NTRK3: variants seen among roughly 807,000 people sequenced by gnomAD.
NTRK3 encodes the protein neurotrophic receptor tyrosine kinase 3.
A neutral mutation model predicts 91.7 loss-of-function variants in NTRK3; 24 were observed. That is an observed-to-expected ratio of 0.26 (90% CI 0.19 to 0.37). NTRK3 has a LOEUF of 0.37. NTRK3 is among the 10% of genes least tolerant of loss of function. NTRK3 has a pLI of 1.00. For synonymous variants in NTRK3, 483 were observed against 404.0 expected, an observed-to-expected ratio of 1.20 and a Z score of -2.34; for missense variants, 880 against 1,068.9, an observed-to-expected ratio of 0.82 and a Z score of 2.46.
At chr15:88,187,467 G>C (rs2047034688) in intron 3 of NTRK3, among the ~76,000 whole-genome samples, 1 of 152,120 alleles carries the variant, frequency 6.6e-6, no homozygotes, top group Non-Finnish European at 1.5e-5. Context: ...TGTGCTACTA[G>C]GGAGACCACC....
chr15:88,201,097 G>C (rs1433395104), intron 3 of NTRK3, among the ~76,000 whole-genome samples: 3 of 152,106 alleles, frequency 2.0e-5, no homozygotes, highest in Non-Finnish European at 4.4e-5. Flanking sequence ...TTAACAACAG[G>C]AGTGCTTCCC....
At chr15:88,142,919 C>G (rs1323847176) in intron 6 of NTRK3, among the ~76,000 whole-genome samples, 1 of 152,002 alleles carries the variant, frequency 6.6e-6, no homozygotes, top group Non-Finnish European at 1.5e-5. Context: ...TAACTGGTAC[C>G]CTTAAAAAAG....
At chr15:88,044,676 C>A (rs528220315) in intron 13 of NTRK3, among the ~76,000 whole-genome samples, 1 of 150,290 alleles carries the variant, frequency 6.7e-6, no homozygotes, top group East Asian at 2.0e-4. Flanking sequence ...ATCAAAGATG[C>A]TGAAATGAGG....
intron 14 of NTRK3, among the ~76,000 whole-genome samples, chr15:88,015,508 C>T (rs2077172798): frequency 1.3e-5 from 2 of 152,126 alleles, no homozygotes; most frequent in African/African-American, 4.8e-5. Flanking sequence ...CAAACACTCT[C>T]CCCTCTGTGG....
chr15:87,888,105 C>T (rs1168983336), intron 17 of NTRK3, among the ~76,000 whole-genome samples: 1 of 152,186 alleles, frequency 6.6e-6, no homozygotes, highest in African/African-American at 2.4e-5. Context: ...CCACGGCTAC[C>T]TTGGTACCTT....
At chr15:88,076,672 TAAAA>T (rs34053167) in intron 13 of NTRK3, among the ~76,000 whole-genome samples, 17 of 120,374 alleles carry the variant, frequency 1.4e-4, no homozygotes, top group East Asian at 5.0e-4. Flanking sequence ...TATACATATG[TAAAA>T]AAAAAAAAAA....
chr15:87,982,063 G>A (rs965933305), intron 14 of NTRK3, among the ~76,000 whole-genome samples: 6 of 152,138 alleles, frequency 3.9e-5, no homozygotes, highest in Non-Finnish European at 8.8e-5. Context: ...GATCCGTGTC[G>A]GATCCATTAA....
At chr15:88,105,178 T>A (rs1364661622) in intron 13 of NTRK3, among the ~76,000 whole-genome samples, 2 of 152,198 alleles carry the variant, frequency 1.3e-5, no homozygotes, top group Non-Finnish European at 2.9e-5. Flanking sequence ...GCCATGGACC[T>A]GATTGTCAAC....
intron 14 of NTRK3, among the ~76,000 whole-genome samples, chr15:87,999,507 A>C (rs2075948651): frequency 6.6e-6 from 1 of 152,226 alleles, no homozygotes; most frequent in Admixed American, 6.5e-5. Context: ...TTTTGCAATG[A>C]AATGGGATGT....
intron 14 of NTRK3, among the ~76,000 whole-genome samples, chr15:87,987,292 C>G (rs2074896400): frequency 6.6e-6 from 1 of 152,130 alleles, no homozygotes; most frequent in Non-Finnish European, 1.5e-5. Flanking sequence ...ACTTCCTACC[C>G]CATCTTCCCA....
chr15:87,943,269 G>A (rs998533773), intron 14 of NTRK3, among the ~76,000 whole-genome samples: 83 of 152,086 alleles, frequency 5.5e-4, no homozygotes, highest in African/African-American at 1.9e-3. Flanking sequence ...TTACAACTTG[G>A]CCTAAACAAG....
rs114963142 is a variant in NTRK3 at position 88,119,887 on chromosome 15, T to C, written c.1396+6384A>G. Among the ~76,000 whole-genome samples the C allele has an allele frequency of 9.7e-3, 1,483 of 152,356 alleles. 32 individuals carry two copies. The highest frequency in any genetic ancestry group is 0.034 in the African/African-American group (1,406 of 41,592). On this transcript the variant is annotated intron_variant, in intron 13 of 18. Transcript: ENST00000394480. ...ACAATACCAATAGTGCTTTCATCCA[T>C]GGTCCCAGCCCCCTTTCAGTCACCT...
intron 14 of NTRK3, among the ~76,000 whole-genome samples, chr15:87,972,736 T>A (rs2073361478): frequency 6.6e-6 from 1 of 152,158 alleles, no homozygotes; most frequent in African/African-American, 2.4e-5. Context: ...AAGGCTCATG[T>A]ATCTTGGTTT....
At chr15:88,011,538 A>C (rs2141767800) in intron 14 of NTRK3, among the ~76,000 whole-genome samples, 2 of 152,282 alleles carry the variant, frequency 1.3e-5, no homozygotes, top group African/African-American at 4.8e-5. Flanking sequence ...TTTTCTGGCA[A>C]AATCTTCTCC....
intron 13 of NTRK3, among the ~76,000 whole-genome samples, chr15:88,081,288 G>A (rs2048018552): frequency 2.0e-5 from 3 of 152,180 alleles, no homozygotes. Context: ...ATGGGGTGGA[G>A]TGGGACAGGT....
At chr15:87,901,541 C>T (rs1220471200) in intron 17 of NTRK3, among the ~76,000 whole-genome samples, 1 of 152,216 alleles carries the variant, frequency 6.6e-6, no homozygotes, top group East Asian at 1.9e-4. Flanking sequence ...GAAAGAGATG[C>T]TTTCAGCATT....
At chr15:88,020,881 C>T (rs565312808) in intron 14 of NTRK3, among the ~76,000 whole-genome samples, 5 of 152,352 alleles carry the variant, frequency 3.3e-5, no homozygotes, top group African/African-American at 1.2e-4. Context: ...ATTATATTCT[C>T]TTCTTTAAAT....
chr15:88,104,475 G>T (rs1370855155), intron 13 of NTRK3, among the ~76,000 whole-genome samples: 3 of 152,166 alleles, frequency 2.0e-5, no homozygotes, highest in Non-Finnish European at 4.4e-5. Flanking sequence ...CTTTCACGAG[G>T]CTAAAGATTA....
At chr15:88,094,527 C>G (rs1338783234) in intron 13 of NTRK3, among the ~76,000 whole-genome samples, 1 of 150,732 alleles carries the variant, frequency 6.6e-6, no homozygotes, top group Non-Finnish European at 1.5e-5. Context: ...CTGCCAGCAG[C>G]GTCCCCAAAG....
Sources: allele counts gnomAD v4.1 joint callset (sites outside exome capture counted in the v4.1 genomes callset), GRCh38; gene constraint gnomAD v4.1.1; transcripts MANE v1.5; gene names NCBI Gene and HGNC (gene_info 2026-07-23, HGNC 2026-07-21).